The following RBM28 variants were observed in gnomAD, a reference collection of about 807,000 sequenced individuals.
RBM28 encodes RNA binding motif protein 28.
Under a neutral mutation model 98.3 loss-of-function variants are expected in RBM28, and 78 were observed. The ratio of observed to expected loss-of-function variants is 0.79; its 90% confidence interval spans 0.66 to 0.96. RBM28 has a LOEUF of 0.96. Ranked by LOEUF, RBM28 falls within the 40% of genes least tolerant of loss-of-function variation. The probability of loss-of-function intolerance (pLI) is 0.00; values close to 1 mark genes in which losing one functional copy is unlikely to be tolerated. For missense variants in RBM28, 838 were observed against 913.0 expected (o/e 0.92, Z 1.06); for synonymous variants, 306 against 330.9 (o/e 0.92, Z 0.82).
In RBM28 at chr7:128,343,716, C is replaced by G. The variant is rs1269493077; in HGVS notation, c.78G>C (p.Gln26His). The G allele has an allele frequency of 6.2e-7, 1 of 1,611,956 alleles. No individual in the cohort carries two copies. Among genetic ancestry groups the G allele is most frequent in the Non-Finnish European group, 8.5e-7 (1 of 1,178,944 alleles). ...RSEQLEELFS[Q>H]VGPVKQCFVV... is the part of the protein sequence containing the mutation. ...CGAAGCACTGCTTCACCGGCCCCAC[C>G]TGACTGAACAGTTCCTCCAGCTGCT... The change falls in exon 1 of 19, where the codon CAG (glutamine) becomes CAC (histidine). Residue 26 changes from glutamine (Q) to histidine (H), a missense_variant. By Grantham distance (24) the Gln-to-His change is conservative. Transcript: ENST00000223073.
At position 128,343,674 on chromosome 7, in the gene RBM28, A is replaced by G. The variant is rs1365042955; in HGVS notation, c.118+2T>C. ...CCCTATCCTCGACCGCCCCGCCCCT[A>G]CCTTTTTCAGTCACCACGAAGCACT... On this transcript the variant is annotated splice_donor_variant, in intron 1 of 18. Coordinates refer to ENST00000223073, the MANE Select transcript of RBM28 (RefSeq NM_018077.3). LOFTEE classifies it high-confidence loss of function. 3 of 1,602,238 alleles carry G rather than the reference A, an allele frequency of 1.9e-6. No homozygotes were observed. The highest frequency in any genetic ancestry group is 2.3e-5 in the East Asian group (1 of 43,790).
rs1052849194 is a variant in RBM28, at chr7:128,304,829, T to C, written c.*5968A>G. 1 of 152,186 alleles carries C rather than the reference T, an allele frequency of 6.6e-6. No homozygotes were observed. Among genetic ancestry groups the C allele is most frequent in the African/African-American group, 2.4e-5 (1 of 41,414 alleles). 9.4% of individuals were successfully genotyped at this position (152,186 alleles called of 1,614,324 possible). A position where few individuals can be genotyped will look rare whatever the true frequency, so the allele number is the denominator to read the frequency against. ...GGCCACTGTGGTACCAGAGGAGGGA[T>C]GTATGTCTGGGCACTTTCAAAAGTA... On this transcript the variant is annotated 3_prime_UTR_variant, in exon 19 of 19. Transcript: ENST00000223073.
Position 128,309,450 on chromosome 7 carries a change from T to C in RBM28, c.*1347A>G, listed in dbSNP as rs1427428456. 7.5e-6 allele frequency: 1 copy of C among 133,074 alleles called. No individual in the cohort carries two copies. Among genetic ancestry groups the C allele is most frequent in the Non-Finnish European group, 1.7e-5 (1 of 59,104 alleles). 8.2% of individuals were successfully genotyped at this position (133,074 alleles called of 1,614,324 possible). A position where few individuals can be genotyped will look rare whatever the true frequency, so the allele number is the denominator to read the frequency against. The stretch of plus-strand genomic sequence containing the variant: ...GAGTTCAAGACCAGCCTAGTCAACA[T>C]GGTGAAACCCCATCTCTACTAAAAA... On this transcript the variant is annotated 3_prime_UTR_variant, in exon 19 of 19. Coordinates refer to ENST00000223073, the MANE Select transcript of RBM28 (RefSeq NM_018077.3).
chr7:128,339,762 CA>C lies in RBM28; in HGVS notation c.147del (p.Tyr49Ter). On this transcript the variant is annotated frameshift_variant, in exon 2 of 19. Coordinates refer to ENST00000223073, the MANE Select transcript of RBM28 (RefSeq NM_018077.3). LOFTEE classifies it high-confidence loss of function. ...KGSKACRGFG[Y>X]VTFSMLEDVQ... ...ACATCTTCCAGCATTGAAAAAGTGACATAGCCAAAGCCTCGACATGCCTTAC... is the reference window on the plus strand; with the variant it reads ...ACATCTTCCAGCATTGAAAAAGTGACTAGCCAAAGCCTCGACATGCCTTAC... 1 of 1,614,098 alleles carries C rather than the reference CA, an allele frequency of 6.2e-7. No homozygotes were observed. The highest frequency in any genetic ancestry group is 8.5e-7 in the Non-Finnish European group (1 of 1,179,994).
At chr7:128,320,555 A>G (rs1304702561) in intron 14 of RBM28, among the ~76,000 whole-genome samples, 3 of 152,232 alleles carry the variant, frequency 2.0e-5, no homozygotes, top group Non-Finnish European at 2.9e-5. Context: ...CTGAACATCT[A>G]CATGGCTTCC....
At chr7:128,323,822 C>T (rs183178211) in intron 12 of RBM28, among the ~76,000 whole-genome samples, 68 of 152,340 alleles carry the variant, frequency 4.5e-4, no homozygotes, top group African/African-American at 1.5e-3. Context: ...TATTCCTCTT[C>T]TCCTTCTCTC....
chr7:128,315,162 A>G, intron 16 of RBM28, 142 bp from the exon 17 acceptor site: 1 of 1,244,620 alleles, frequency 8.0e-7, no homozygotes, highest in Non-Finnish European at 1.2e-6. Flanking sequence ...AGGAAAGTGA[A>G]TACATGTAGA....
Position 128,343,882 on chromosome 7 carries a change from G to A in RBM28, c.-89C>T. On this transcript the variant is annotated 5_prime_UTR_variant, in exon 1 of 19. Transcript: ENST00000223073. The stretch of plus-strand genomic sequence containing the variant: ...ACGCTGGCTTTGGTAGGACAACCAA[G>A]CTCACACGCCGAGAGATTCCGGAAG... 2 of 874,388 alleles carry A rather than the reference G, an allele frequency of 2.3e-6. No individual in the cohort carries two copies. The highest frequency in any genetic ancestry group is 6.0e-5 in the East Asian group (2 of 33,440). 54.2% of individuals were successfully genotyped at this position (874,388 alleles called of 1,614,324 possible).
Position 128,300,332 on chromosome 7 carries a change from T to C in RBM28, c.*10465A>G, listed in dbSNP as rs1795763512. The stretch of plus-strand genomic sequence containing the variant: ...CTGAGGGCTCTGAGCAGGGAAGGGT[T>C]AGAACCCAGCGTGGATCAAACATTT... On this transcript the variant is annotated 3_prime_UTR_variant, in exon 19 of 19. Transcript: ENST00000223073. 6.6e-6 allele frequency: 1 copy of C among 152,222 alleles called. No homozygotes were observed. Among genetic ancestry groups the C allele is most frequent in the African/African-American group, 2.4e-5 (1 of 41,442 alleles). 9.4% of individuals were successfully genotyped at this position (152,222 alleles called of 1,614,324 possible). A position where few individuals can be genotyped will look rare whatever the true frequency, so the allele number is the denominator to read the frequency against.
intron 10 of RBM28, 116 bp downstream of exon 10, chr7:128,330,702 TG>T: frequency 1.2e-6 from 1 of 802,524 alleles, no homozygotes; most frequent in Non-Finnish European, 2.2e-6. Context: ...CCCAGAAACC[TG>T]GGCTGGATGG....
chr7:128,337,841 G>T (rs1584662998), intron 5 of RBM28, among the ~76,000 whole-genome samples: 1 of 152,270 alleles, frequency 6.6e-6, no homozygotes, highest in South Asian at 2.1e-4. Flanking sequence ...GATTACAGGT[G>T]TGAGCCACCG....
intron 16 of RBM28, among the ~76,000 whole-genome samples, chr7:128,315,967 A>G (rs1796100127): frequency 6.6e-6 from 1 of 152,256 alleles, no homozygotes; most frequent in African/African-American, 2.4e-5. Context: ...GTGGGAAGGA[A>G]GGCATCAAGG....
intron 2 of RBM28, 140 bp downstream of exon 2, chr7:128,339,493 A>T: frequency 3.3e-6 from 4 of 1,226,520 alleles, no homozygotes; most frequent in Non-Finnish European, 4.7e-6. Context: ...GTATCACAAT[A>T]CACTGGATGA....
At chr7:128,333,037 T>C (rs1381261954) in intron 9 of RBM28, among the ~76,000 whole-genome samples, 1 of 152,210 alleles carries the variant, frequency 6.6e-6, no homozygotes, top group Non-Finnish European at 1.5e-5. Context: ...AACTGATTTC[T>C]TCCAAATGAT....
chr7:128,338,316 C>T lies in RBM28; in HGVS notation c.475G>A (p.Val159Ile). The T allele has an allele frequency of 6.2e-7, 1 of 1,614,068 alleles. No homozygotes were observed. Among genetic ancestry groups the T allele is most frequent in the East Asian group, 2.2e-5 (1 of 44,876 alleles). The change falls in exon 5 of 19, where the codon GTT (valine) becomes ATT (isoleucine). Residue 159 changes from valine (V) to isoleucine (I), a missense_variant. Transcript: ENST00000223073. Reference sequence around the variant, plus strand: ...GCTTCTAGGAGGTTTTTGAACTGAACAAAACCAAAACCGCGCATCTTCCCA... The same window carrying T: ...GCTTCTAGGAGGTTTTTGAACTGAATAAAACCAAAACCGCGCATCTTCCCA... ...PDGKMRGFGF[V>I]QFKNLLEAGK...
At chr7:128,343,400 T>A (rs1205819454) in intron 1 of RBM28, among the ~76,000 whole-genome samples, 1 of 152,246 alleles carries the variant, frequency 6.6e-6, no homozygotes, top group African/African-American at 2.4e-5. Context: ...GCCAATCAGG[T>A]GACTCTCAAT....
chr7:128,339,263 C>T lies in RBM28; in HGVS notation c.336G>A (p.Lys112=). ...GGTTCCGAATAATTAATCTGGCTTT[C>T]TTATCTGCCACTTTGGCTTTTTTAG... ...PKAKKAKVAD[K]KARLIIRNLS... The change falls in exon 3 of 19, where the codon AAG becomes AAA. Residue 112 remains lysine, a synonymous_variant. Transcript: ENST00000223073. 2 of 1,613,726 alleles carry T rather than the reference C, an allele frequency of 1.2e-6. No individual in the cohort carries two copies. The highest frequency in any genetic ancestry group is 2.2e-5 in the South Asian group (2 of 91,074).
chr7:128,327,431 A>G (rs976128260), intron 10 of RBM28, among the ~76,000 whole-genome samples: 1 of 152,206 alleles, frequency 6.6e-6, no homozygotes, highest in East Asian at 1.9e-4. Context: ...GAATCTCCAT[A>G]AGGCATGCCT....
In RBM28 at chr7:128,337,586, T is replaced by C. The variant is rs111319571; in HGVS notation, c.542-384A>G. ...TCTTTTTTTTTTTTTTGAGACACAG[T>C]CTCGCTCTGTCGCCCAGGCTGGAGT... On this transcript the variant is annotated intron_variant, in intron 5 of 18. Coordinates refer to ENST00000223073, the MANE Select transcript of RBM28 (RefSeq NM_018077.3). Among the ~76,000 whole-genome samples the C allele has an allele frequency of 7.2e-3, 939 of 131,056 alleles. 17 individuals are homozygous for C. Among genetic ancestry groups the C allele is most frequent in the African/African-American group, 0.025 (874 of 35,166 alleles). The allele number at this position is 131,056 out of a possible 152,430, so 86.0% of individuals were successfully genotyped here. A position where few individuals can be genotyped will look rare whatever the true frequency, so the allele number is the denominator to read the frequency against.
Sources: allele counts gnomAD v4.1 joint callset (sites outside exome capture counted in the v4.1 genomes callset), GRCh38; gene constraint gnomAD v4.1.1; transcripts MANE v1.5; gene names NCBI Gene and HGNC (gene_info 2026-07-23, HGNC 2026-07-21).